Variants in ZSWIM5 observed in about 807,000 individuals in gnomAD.
The protein encoded by ZSWIM5 is zinc finger SWIM-type containing 5, also known as zinc finger SWIM domain-containing protein 5.
Under a neutral mutation model 119.6 loss-of-function variants are expected in ZSWIM5, and 55 were observed. The ratio of observed to expected loss-of-function variants is 0.46; its 90% CI spans 0.37 to 0.58. The LOEUF (loss-of-function observed/expected upper bound fraction) is 0.58. ZSWIM5 is among the 20% of genes least tolerant of loss of function. ZSWIM5 has a pLI of 0.00. For missense variants in ZSWIM5, 1,193 were observed against 1,512.8 expected, an observed-to-expected ratio of 0.79 and a Z score of 3.51; for synonymous variants, 537 against 606.9, an observed-to-expected ratio of 0.88 and a Z score of 1.69.
At chr1:45,147,377 C>T (rs944330301) in intron 1 of ZSWIM5, among the ~76,000 whole-genome samples, 1 of 152,008 alleles carries the variant, frequency 6.6e-6, no homozygotes, top group African/African-American at 2.4e-5. Flanking sequence ...ATTCAAGAGA[C>T]AATTTTCTAT....
chr1:45,146,071 A>G lies in ZSWIM5; in HGVS notation c.596-57834T>C, dbSNP rs951484815. ...GATGAGAATGGATCTGGCATAGTAA[A>G]CACTTGTTGGAACAGATTTAAGAGA... On this transcript the variant is annotated intron_variant, in intron 1 of 13. Coordinates refer to ENST00000359600, the MANE Select transcript of ZSWIM5 (RefSeq NM_020883.2). Among the ~76,000 whole-genome samples the G allele has an allele frequency of 4.6e-5, 7 of 152,342 alleles. No homozygotes were observed. In the South Asian group the frequency reaches 8.3e-4, roughly 18 times the overall value.
In ZSWIM5 at chr1:45,087,867, A is replaced by C. The variant is rs1557761577; in HGVS notation, c.952+14T>G. On this transcript the variant is annotated intron_variant, in intron 2 of 13. Transcript: ENST00000359600. Reference sequence around the variant, plus strand: ...AAAAGACCTTTTTTTTCAATAAAAAAGTTGTACAATTACCATTCACTTGGT... The same window carrying C: ...AAAAGACCTTTTTTTTCAATAAAAACGTTGTACAATTACCATTCACTTGGT... 1 of 1,566,846 alleles carries C rather than the reference A, an allele frequency of 6.4e-7. No individual in the cohort carries two copies. Among genetic ancestry groups the C allele is most frequent in the Non-Finnish European group, 8.7e-7 (1 of 1,154,480 alleles).
intron 1 of ZSWIM5, among the ~76,000 whole-genome samples, chr1:45,183,859 A>G (rs1486965835): frequency 6.6e-6 from 1 of 152,246 alleles, no homozygotes; most frequent in Non-Finnish European, 1.5e-5. Flanking sequence ...AAACTATTCC[A>G]ATCAATAGAA....
intron 1 of ZSWIM5, among the ~76,000 whole-genome samples, chr1:45,185,496 A>T (rs61789770): frequency 6.6e-6 from 1 of 152,022 alleles, no homozygotes. Flanking sequence ...TTTGCAACCT[A>T]CTCATCTGAC....
chr1:45,180,750 A>C (rs1646012164), intron 1 of ZSWIM5, among the ~76,000 whole-genome samples: 1 of 152,220 alleles, frequency 6.6e-6, no homozygotes, highest in South Asian at 2.1e-4. Flanking sequence ...CAGAGGAACG[A>C]TCAGACAGCA....
In ZSWIM5 at chr1:45,205,891, C is replaced by T. The variant is rs1196351446; in HGVS notation, c.460G>A (p.Gly154Arg). 1.9e-6 allele frequency: 2 copies of T among 1,073,260 alleles called. No homozygotes were observed. Among genetic ancestry groups the T allele is most frequent in the African/African-American group, 1.7e-5 (1 of 58,484 alleles). 66.5% of individuals were successfully genotyped at this position (1,073,260 alleles called of 1,614,324 possible). A position where few individuals can be genotyped will look rare whatever the true frequency, so the allele number is the denominator to read the frequency against. ...GGGGATGCCCCAGCCGCGACGCCCCCGGGGGCGGAGCCGGCCGGAGCGGCG... is the reference window on the plus strand; with the variant it reads ...GGGGATGCCCCAGCCGCGACGCCCCTGGGGGCGGAGCCGGCCGGAGCGGCG... ...GAAAPAGSAP[G>R]GVAAGASPGL... is the part of the protein sequence containing the mutation. The change falls in exon 1 of 14, where the codon GGG becomes AGG. Residue 154 changes from glycine to arginine, a missense_variant. By Grantham distance (125) the Gly-to-Arg change is moderately radical (BLOSUM62 -2). This residue lies in a region of ZSWIM5 where 232 missense variants were observed against 222.9 expected (regional missense o/e 1.04). Transcript: ENST00000359600.
rs138242506 is a variant in ZSWIM5, at chr1:45,063,484, G to A, written c.953-3237C>T. ...CCAAATGCCCTAGCATGCCATTCAA[G>A]GCCCTCTATGCTCAGGCCCTATCTT... On this transcript the variant is annotated intron_variant, in intron 2 of 13. Transcript: ENST00000359600. 1.7e-3 allele frequency among the ~76,000 whole-genome samples: 265 copies of A among 152,098 alleles called. 1 individual carries two copies. Among genetic ancestry groups the A allele is most frequent in the African/African-American group, 6.1e-3 (251 of 41,480 alleles).
intron 2 of ZSWIM5, among the ~76,000 whole-genome samples, chr1:45,076,890 ACT>A: frequency 6.6e-6 from 1 of 150,852 alleles, no homozygotes; most frequent in East Asian, 2.0e-4. Context: ...CTATTAAAAG[ACT>A]CTGATGCATT....
At chr1:45,164,825 T>TA (rs1645890520) in intron 1 of ZSWIM5, among the ~76,000 whole-genome samples, 1 of 152,054 alleles carries the variant, frequency 6.6e-6, no homozygotes, top group Non-Finnish European at 1.5e-5. Context: ...AGCAAATCCT[T>TA]AGAGACCTAC....
chr1:45,032,883 G>T (rs1162396989), intron 11 of ZSWIM5, among the ~76,000 whole-genome samples: 1 of 150,840 alleles, frequency 6.6e-6, no homozygotes, highest in Non-Finnish European at 1.5e-5. Context: ...TCCCATACTT[G>T]TTTTTTTGTC....
At chr1:45,129,153 GTTTTTT>G (rs869042927) in intron 1 of ZSWIM5, among the ~76,000 whole-genome samples, 10 of 70,162 alleles carry the variant, frequency 1.4e-4, no homozygotes, top group Admixed American at 4.0e-4. Context: ...CATACATCTT[GTTTTTT>G]TTTTTTTTTT....
At chr1:45,083,337 A>C (rs925526827) in intron 2 of ZSWIM5, among the ~76,000 whole-genome samples, 1 of 151,832 alleles carries the variant, frequency 6.6e-6, no homozygotes, top group South Asian at 2.1e-4. Flanking sequence ...TGCAGCCTTG[A>C]CATCCTGGGC....
chr1:45,155,329 C>T (rs1248545134), intron 1 of ZSWIM5, among the ~76,000 whole-genome samples: 1 of 152,056 alleles, frequency 6.6e-6, no homozygotes, highest in African/African-American at 2.4e-5. Context: ...CAATGCAATA[C>T]CACCTTACTC....
At chr1:45,099,030 G>T (rs1474011440) in intron 1 of ZSWIM5, among the ~76,000 whole-genome samples, 1 of 152,044 alleles carries the variant, frequency 6.6e-6, no homozygotes, top group East Asian at 1.9e-4. Context: ...CTAGCAGAAG[G>T]CAAGAAATAA....
chr1:45,122,801 A>ACT, intron 1 of ZSWIM5, among the ~76,000 whole-genome samples: 1 of 152,218 alleles, frequency 6.6e-6, no homozygotes, highest in East Asian at 1.9e-4. Flanking sequence ...TACTCCAGAC[A>ACT]AACAGCACAG....
chr1:45,183,828 A>G (rs1646038516), intron 1 of ZSWIM5, among the ~76,000 whole-genome samples: 1 of 152,170 alleles, frequency 6.6e-6, no homozygotes, highest in African/African-American at 2.4e-5. Flanking sequence ...GTACAAGGAT[A>G]AACTGGTACC....
chr1:45,046,261 G>C lies in ZSWIM5; in HGVS notation c.1433-2866C>G, dbSNP rs59682873. On this transcript the variant is annotated intron_variant, in intron 5 of 13. Coordinates refer to ENST00000359600, the MANE Select transcript of ZSWIM5 (RefSeq NM_020883.2). ...ACTGAGAATAGGTTATAAGGTGGAA[G>C]GGCAGAAGAAGAGGGAGAAGTCAGG... 4.4e-3 allele frequency among the ~76,000 whole-genome samples: 677 copies of C among 152,286 alleles called. 8 individuals carry two copies. Among genetic ancestry groups the C allele is most frequent in the African/African-American group, 0.015 (636 of 41,568 alleles).
intron 1 of ZSWIM5, among the ~76,000 whole-genome samples, chr1:45,147,799 G>T (rs560767225): frequency 1.1e-4 from 16 of 151,948 alleles, no homozygotes; most frequent in Non-Finnish European, 2.1e-4. Flanking sequence ...TCTCAAGCAT[G>T]CAAATGTAAT....
At chr1:45,031,301 C>T (rs1414272017) in intron 11 of ZSWIM5, among the ~76,000 whole-genome samples, 8 of 150,034 alleles carry the variant, frequency 5.3e-5, no homozygotes, top group African/African-American at 1.7e-4. Context: ...CTCAGCCTCC[C>T]GAGTAGCTGG....
Sources: gnomAD v4.1 joint callset for allele counts (sites outside exome capture counted in the v4.1 genomes callset) on GRCh38, gnomAD v4.1.1 for gene constraint, gnomAD v4.1.1 regional missense constraint, MANE v1.5 for transcripts, NCBI Gene and HGNC (gene_info 2026-07-23, HGNC 2026-07-21) for gene names.